GPR89B: variants seen among roughly 807,000 people sequenced by gnomAD.
GPR89B encodes the protein golgi pH regulator B.
A neutral mutation model predicts 52.4 loss-of-function variants in GPR89B; 25 were observed. The observed-to-expected ratio is 0.48, with a 90% CI of 0.35 to 0.67. The LOEUF is 0.67. Ranked by LOEUF, GPR89B falls within the 30% of genes least tolerant of loss-of-function variation. The pLI, the probability that GPR89B is intolerant of heterozygous loss-of-function variation, is 0.01. For synonymous variants in GPR89B, 52 were observed against 151.2 expected, an observed-to-expected ratio of 0.34 and a Z score of 4.81; for missense variants, 146 against 450.2, an observed-to-expected ratio of 0.32 and a Z score of 6.11.
At chr1:148,021,444 G>A in the GPR89B span, among the ~76,000 whole-genome samples, 2 of 151,958 alleles carry the variant, frequency 1.3e-5, no homozygotes, top group Non-Finnish European at 2.9e-5. Context: ...GGAGCTTGCA[G>A]TGAGCCGAGA....
At chr1:148,015,604 G>A in the GPR89B span, among the ~76,000 whole-genome samples, 1 of 147,804 alleles carries the variant, frequency 6.8e-6, no homozygotes, top group Non-Finnish European at 1.5e-5. Flanking sequence ...TTGAGCCACC[G>A]CGCCCGGCCT....
intron 10 of GPR89B, among the ~76,000 whole-genome samples, chr1:147,985,737 C>T (rs1658615401): frequency 6.6e-6 from 1 of 151,970 alleles, no homozygotes; most frequent in Non-Finnish European, 1.5e-5. Context: ...TTTAAACTTC[C>T]ATCTTGGGGA....
At chr1:147,946,851 T>C (rs1234715533) in intron 5 of GPR89B, among the ~76,000 whole-genome samples, 1 of 152,142 alleles carries the variant, frequency 6.6e-6, no homozygotes, top group Non-Finnish European at 1.5e-5. Context: ...TTCTTTCCAT[T>C]GTACTCCAAT....
chr1:147,968,951 A>G lies in GPR89B; in HGVS notation c.804A>G (p.Leu268=), dbSNP rs1433706452. 167 of 1,607,046 alleles carry G rather than the reference A, an allele frequency of 1.0e-4. No homozygotes were observed. The highest frequency in any genetic ancestry group is 5.4e-5 in the African/African-American group (4 of 73,718). The change falls in exon 9 of 14, where the codon CTA becomes CTG. Residue 268 remains leucine, a synonymous_variant. Coordinates refer to ENST00000314163, the MANE Select transcript of GPR89B (RefSeq NM_016334.5). ...SRQLFLETAD[L]YATKERIEYS... ...AGCTTTTTCTGGAAACAGCTGATCT[A>G]TATGCTACCAAGGTACAGAGCAAGG...
chr1:147,947,833 C>G (rs1553250069), intron 5 of GPR89B, among the ~76,000 whole-genome samples: 1 of 150,992 alleles, frequency 6.6e-6, no homozygotes, highest in East Asian at 1.9e-4. Context: ...AAACAAAGAT[C>G]AATAAGAAAT....
the GPR89B span, among the ~76,000 whole-genome samples, chr1:148,025,373 G>T: frequency 7.9e-5 from 12 of 151,352 alleles, no homozygotes; most frequent in Non-Finnish European, 5.9e-5. Flanking sequence ...AGAATCATAG[G>T]ATTGCCAGGC....
At chr1:148,000,322 CTTCTA>C in the GPR89B span, among the ~76,000 whole-genome samples, 1 of 150,990 alleles carries the variant, frequency 6.6e-6, no homozygotes, top group East Asian at 1.9e-4. Context: ...CCATTAGAGA[CTTCTA>C]TTCAAGTTGA....
intron 5 of GPR89B, among the ~76,000 whole-genome samples, chr1:147,951,074 G>A (rs1173941136): frequency 2.0e-5 from 3 of 151,890 alleles, no homozygotes; most frequent in Non-Finnish European, 4.4e-5. Context: ...TTTGCAACCA[G>A]GGGAAAACTT....
intron 5 of GPR89B, among the ~76,000 whole-genome samples, chr1:147,949,560 G>A (rs1655356573): frequency 7.4e-6 from 1 of 134,972 alleles, no homozygotes. Flanking sequence ...CGGGGCGGCT[G>A]GCCGGGCGGG....
chr1:148,012,973 T>C, the GPR89B span, among the ~76,000 whole-genome samples: 2 of 152,132 alleles, frequency 1.3e-5, no homozygotes, highest in Non-Finnish European at 2.9e-5. Flanking sequence ...TGTTCAAATG[T>C]ATGTGACTAT....
intron 5 of GPR89B, among the ~76,000 whole-genome samples, chr1:147,949,628 C>G (rs1222627917): frequency 7.3e-6 from 1 of 136,114 alleles, no homozygotes; most frequent in East Asian, 2.2e-4. Flanking sequence ...GGGGGCTGAC[C>G]CCCCCACCTC....
chr1:147,987,111 A>C (rs1456135367), intron 11 of GPR89B, among the ~76,000 whole-genome samples: 13 of 152,232 alleles, frequency 8.5e-5, no homozygotes, highest in Non-Finnish European at 1.5e-4. Flanking sequence ...ATTGAGCCCC[A>C]ATCCTTGAGA....
In GPR89B at chr1:147,928,462, G is replaced by C; in HGVS notation, c.-75G>C. The stretch of plus-strand genomic sequence containing the variant: ...ACCTGGGAGAAGGCAGACCGTGTGA[G>C]GGGGCCTGTGGCCCCAGCGTGCTGT... On this transcript the variant is annotated 5_prime_UTR_variant, in exon 1 of 14. Coordinates refer to ENST00000314163, the MANE Select transcript of GPR89B (RefSeq NM_016334.5). 6.4e-7 allele frequency: 1 copy of C among 1,554,810 alleles called. No individual in the cohort carries two copies. Among genetic ancestry groups the C allele is most frequent in the Non-Finnish European group, 8.9e-7 (1 of 1,127,416 alleles).
In GPR89B at chr1:147,969,915, C is replaced by T; in HGVS notation, c.865C>T (p.Leu289Phe). The T allele has an allele frequency of 6.7e-7, 1 of 1,493,836 alleles. No individual in the cohort carries two copies. The highest frequency in any genetic ancestry group is 8.9e-7 in the Non-Finnish European group (1 of 1,118,132). 92.5% of individuals were successfully genotyped at this position (1,493,836 alleles called of 1,614,324 possible). ...KTFKGKYFNF[L>F]GYFFSIYCVW... ...CTTCAAGGGGAAATATTTTAATTTTCTTGGTTACTTTTTCTCTATTTACTG... is the reference window on the plus strand; with the variant it reads ...CTTCAAGGGGAAATATTTTAATTTTTTTGGTTACTTTTTCTCTATTTACTG... Residue 289 changes from leucine (L) to phenylalanine (F), a missense_variant, in exon 10 of 14, where the codon CTT becomes TTT. By Grantham distance (22) the Leu-to-Phe change is conservative. Coordinates refer to ENST00000314163, the MANE Select transcript of GPR89B (RefSeq NM_016334.5).
chr1:147,931,728 C>A (rs1653634898), intron 1 of GPR89B, among the ~76,000 whole-genome samples: 3 of 151,866 alleles, frequency 2.0e-5, no homozygotes, highest in Admixed American at 1.3e-4. Context: ...AACCCTTCCC[C>A]CTTCTCCCCT....
chr1:147,936,124 T>A (rs1654064960), intron 1 of GPR89B, among the ~76,000 whole-genome samples: 1 of 152,088 alleles, frequency 6.6e-6, no homozygotes, highest in Non-Finnish European at 1.5e-5. Flanking sequence ...TTCAAGCGAT[T>A]CTCATGCCTC....
the GPR89B span, among the ~76,000 whole-genome samples, chr1:148,023,025 G>T: frequency 6.6e-6 from 1 of 151,792 alleles, no homozygotes; most frequent in Non-Finnish European, 1.5e-5. Context: ...TTGTTACATG[G>T]GTATATTGGG....
At chr1:147,949,956 G>A (rs1355206755) in intron 5 of GPR89B, among the ~76,000 whole-genome samples, 2 of 140,280 alleles carry the variant, frequency 1.4e-5, no homozygotes, top group South Asian at 2.2e-4. Context: ...CGGACGGTGC[G>A]GCTGGCCGGG....
At chr1:147,999,023 G>A in the GPR89B span, among the ~76,000 whole-genome samples, 56 of 151,884 alleles carry the variant, frequency 3.7e-4, 2 homozygotes, top group Non-Finnish European at 2.9e-4. Context: ...CAACCTACAG[G>A]TCTTACTTTG....
Sources: allele counts gnomAD v4.1 joint callset (sites outside exome capture counted in the v4.1 genomes callset), GRCh38; gene constraint gnomAD v4.1.1; transcripts MANE v1.5; gene names NCBI Gene and HGNC (gene_info 2026-07-23, HGNC 2026-07-21).